NHS: variants seen among roughly 807,000 people sequenced by gnomAD.
NHS encodes actin remodeling regulator NHS.
Under a neutral mutation model 72.5 loss-of-function variants are expected in NHS, and 5 were observed. The observed-to-expected ratio is 0.07, with a 90% CI of 0.04 to 0.14. The LOEUF (loss-of-function observed/expected upper bound fraction) is 0.14. Ranked by LOEUF, NHS falls within the 10% of genes least tolerant of loss-of-function variation. NHS has a pLI of 1.00. For synonymous variants in NHS, 464 were observed against 547.7 expected, an observed-to-expected ratio of 0.85 and a Z score of 2.13; for missense variants, 1,072 against 1,355.7, an observed-to-expected ratio of 0.79 and a Z score of 3.29.
chrX:17,558,423 G>A (rs1383177584), intron 1 of NHS, among the ~76,000 whole-genome samples: 1 of 112,350 alleles, frequency 8.9e-6, no homozygotes, highest in Non-Finnish European at 1.9e-5. Flanking sequence ...CCTTTGTGGA[G>A]TCAATGGTAA....
chrX:17,626,164 T>C (rs1228948235), intron 1 of NHS, among the ~76,000 whole-genome samples: 3 of 112,338 alleles, frequency 2.7e-5, no homozygotes, highest in African/African-American at 3.2e-5. Flanking sequence ...AGAGAGCAGA[T>C]CTAGATTTTT....
At chrX:17,628,458 C>T (rs989062850) in intron 1 of NHS, among the ~76,000 whole-genome samples, 8 of 112,842 alleles carry the variant, frequency 7.1e-5, no homozygotes, top group African/African-American at 1.9e-4. Context: ...GCCTCTCATG[C>T]ATGCATATGC....
chrX:17,436,150 T>C (rs2064721010), intron 1 of NHS, among the ~76,000 whole-genome samples: 4 of 112,112 alleles, frequency 3.6e-5, no homozygotes, highest in African/African-American at 1.3e-4. Flanking sequence ...TGTTGTTGTT[T>C]GTTTGTTTGT....
chrX:17,583,534 C>G (rs908198976), intron 1 of NHS, among the ~76,000 whole-genome samples: 1 of 112,397 alleles, frequency 8.9e-6, no homozygotes, highest in East Asian at 2.8e-4. Flanking sequence ...GCCCACCAGA[C>G]GTGGCCACCC....
intron 1 of NHS, among the ~76,000 whole-genome samples, chrX:17,636,010 G>C (rs186033702): frequency 8.9e-6 from 1 of 112,374 alleles, no homozygotes; most frequent in Non-Finnish European, 1.9e-5. Context: ...GCAGGATTCC[G>C]GGGCTCTAGC....
At chrX:17,627,426 A>G (rs1005254423) in intron 1 of NHS, among the ~76,000 whole-genome samples, 26 of 112,508 alleles carry the variant, frequency 2.3e-4, no homozygotes, top group African/African-American at 8.1e-4. Flanking sequence ...ATGACCACAC[A>G]ATACTACTGG....
intron 1 of NHS, among the ~76,000 whole-genome samples, chrX:17,609,857 A>C (rs952012857): frequency 3.6e-5 from 4 of 111,336 alleles, no homozygotes; most frequent in Non-Finnish European, 7.6e-5. Flanking sequence ...GGAAGACAGG[A>C]AGGAGGTGAA....
Position 17,562,469 on chromosome X carries a change from A to G in NHS, c.566-125273A>G, listed in dbSNP as rs138992908. Among the ~76,000 whole-genome samples the G allele has an allele frequency of 5.3e-3, 597 of 111,654 alleles. 5 individuals are homozygous for G. Among genetic ancestry groups the G allele is most frequent in the African/African-American group, 0.019 (577 of 30,697 alleles). Reference sequence around the variant, plus strand: ...TATAGTGGCCTTCATCAGTTATGGGAAAAAGCCAGGCACAGAGACACAGGT... The same window carrying G: ...TATAGTGGCCTTCATCAGTTATGGGGAAAAGCCAGGCACAGAGACACAGGT... On this transcript the variant is annotated intron_variant, in intron 1 of 8. Transcript: ENST00000676302.
intron 1 of NHS, among the ~76,000 whole-genome samples, chrX:17,449,300 G>T (rs1462665081): frequency 8.8e-6 from 1 of 113,307 alleles, no homozygotes; most frequent in Non-Finnish European, 1.9e-5. Context: ...GAGCTGTAGT[G>T]TTCGTGCATT....
rs150085506 is a variant in NHS, at chrX:17,518,468, C to T, written c.565+142146C>T. Among the ~76,000 whole-genome samples, 696 of 111,925 alleles carry T rather than the reference C, an allele frequency of 6.2e-3. 4 individuals are homozygous for T. The highest frequency in any genetic ancestry group is 0.014 in the South Asian group (38 of 2,643). ...ATAGCTGTCATGGCCTGCCTCTCCC[C>T]GCCCCTCCAGTTGATCTACCAGAGT... On this transcript the variant is annotated intron_variant, in intron 1 of 8. Coordinates refer to ENST00000676302, the MANE Select transcript of NHS (RefSeq NM_001291867.2).
At position 17,604,236 on chromosome X, in the gene NHS, A is replaced by G. The variant is rs1285432687; in HGVS notation, c.566-83506A>G. 3.8e-5 allele frequency among the ~76,000 whole-genome samples: 4 copies of G among 106,393 alleles called. No individual in the cohort carries two copies. In the Admixed American group the frequency reaches 4.0e-4, roughly 11 times the overall value. 92.4% of individuals were successfully genotyped at this position (106,393 alleles called of 115,157 possible). A position where few individuals can be genotyped will look rare whatever the true frequency, so the allele number is the denominator to read the frequency against. On this transcript the variant is annotated intron_variant, in intron 1 of 8. Coordinates refer to ENST00000676302, the MANE Select transcript of NHS (RefSeq NM_001291867.2). ...CTCAGGATATTAATAGATCACACAC[A>G]CACACACACACACACACACACACAC...
chrX:17,435,757 C>T (rs1361032159), intron 1 of NHS, among the ~76,000 whole-genome samples: 1 of 112,369 alleles, frequency 8.9e-6, no homozygotes, highest in Non-Finnish European at 1.9e-5. Flanking sequence ...TACAAAGAAT[C>T]CAGTGGGATT....
At chrX:17,527,889 G>C (rs879072115) in intron 1 of NHS, among the ~76,000 whole-genome samples, 1 of 87,740 alleles carries the variant, frequency 1.1e-5, no homozygotes, top group Admixed American at 1.3e-4. Context: ...TAATCACGCC[G>C]AGTCTGTGGG....
At chrX:17,590,973 C>T (rs1436129259) in intron 1 of NHS, among the ~76,000 whole-genome samples, 2 of 111,946 alleles carry the variant, frequency 1.8e-5, no homozygotes, top group Non-Finnish European at 3.8e-5. Context: ...AAAATCGCCA[C>T]CAAATAAAAC....
intron 1 of NHS, among the ~76,000 whole-genome samples, chrX:17,574,123 A>G (rs1361686026): frequency 2.7e-5 from 3 of 111,748 alleles, no homozygotes; most frequent in Middle Eastern, 4.2e-3. Context: ...TCTCCCAGTC[A>G]TGCTACACAG....
chrX:17,731,690 G>A (rs58813243), intron 8 of NHS, among the ~76,000 whole-genome samples, 168 bp from the exon 9 acceptor site: 1 of 111,435 alleles, frequency 9.0e-6, no homozygotes, highest in African/African-American at 3.3e-5. Flanking sequence ...ACAAGGACAA[G>A]GAACATATCT....
At chrX:17,701,791 T>C (rs1220629390) in intron 3 of NHS, among the ~76,000 whole-genome samples, 3 of 111,189 alleles carry the variant, frequency 2.7e-5, no homozygotes, top group African/African-American at 9.8e-5. Context: ...AGTTGCTGTG[T>C]TCATCTAGAG....
At chrX:17,428,370 A>G (rs1349398821) in intron 1 of NHS, among the ~76,000 whole-genome samples, 4 of 112,674 alleles carry the variant, frequency 3.6e-5, no homozygotes, top group Non-Finnish European at 7.5e-5. Flanking sequence ...TTGCCTGAAT[A>G]AAATATGGCA....
intron 1 of NHS, among the ~76,000 whole-genome samples, chrX:17,596,820 C>T (rs992304130): frequency 8.9e-6 from 1 of 111,784 alleles, no homozygotes; most frequent in African/African-American, 3.3e-5. Context: ...TCCACGCAGG[C>T]ATTCAGACTC....
Sources: allele counts gnomAD v4.1 joint callset (sites outside exome capture counted in the v4.1 genomes callset), GRCh38; gene constraint gnomAD v4.1.1; transcripts MANE v1.5; gene names NCBI Gene and HGNC (gene_info 2026-07-23, HGNC 2026-07-21).